The following IL6ST variants were observed in gnomAD, a reference collection of about 807,000 sequenced individuals.
The protein encoded by IL6ST is interleukin-6 receptor subunit beta.
Under a neutral mutation model 91.3 loss-of-function variants are expected in IL6ST, and 24 were observed. The observed-to-expected ratio is 0.26, with a 90% CI of 0.19 to 0.37. The LOEUF is 0.37. Among genes scored for constraint, IL6ST ranks in the 10% least tolerant of loss-of-function variants. IL6ST has a pLI of 1.00. For missense variants in IL6ST, 914 were observed against 1,078.5 expected, an observed-to-expected ratio of 0.85 and a Z score of 2.14; for synonymous variants, 351 against 373.6, an observed-to-expected ratio of 0.94 and a Z score of 0.70.
In IL6ST at chr5:55,941,478, T is replaced by C. The variant is rs1183612660; in HGVS notation, c.2361A>G (p.Leu787=). Residue 787 remains leucine, a synonymous_variant, in exon 17 of 17, where the codon TTA becomes TTG. Coordinates refer to ENST00000381298, the MANE Select transcript of IL6ST (RefSeq NM_002184.4). The stretch of plus-strand genomic sequence containing the variant: ...GATCTTCTGGCCGCTCCTCTGAATC[T>C]AACAAGGGCTGGGTAGACTCGGATC... ...FSRSESTQPL[L]DSEERPEDLQ... 1 of 1,614,144 alleles carries C rather than the reference T, an allele frequency of 6.2e-7. No homozygotes were observed. The highest frequency in any genetic ancestry group is 1.1e-5 in the South Asian group (1 of 91,080).
At chr5:55,949,268 T>C (rs1379849033) in intron 14 of IL6ST, among the ~76,000 whole-genome samples, 1 of 152,004 alleles carries the variant, frequency 6.6e-6, no homozygotes, top group Non-Finnish European at 1.5e-5. Context: ...GGCCAGGAGT[T>C]CAAAACCAGC....
At chr5:55,954,752 A>G in intron 11 of IL6ST, 58 bp downstream of exon 11, 1 of 1,335,908 alleles carries the variant, frequency 7.5e-7, no homozygotes, top group Non-Finnish European at 1.0e-6. Context: ...GCAAAAGAAA[A>G]AGCTGCCTAA....
At chr5:55,959,659 G>C (rs777199004) in intron 8 of IL6ST, 1 of 1,295,644 alleles carries the variant, frequency 7.7e-7, no homozygotes, top group Non-Finnish European at 1.0e-6. Context: ...GCTTCCCAGG[G>C]GCTTATCAAG....
chr5:55,952,194 T>G (rs753851756), intron 12 of IL6ST, 56 bp downstream of exon 12: 6 of 1,496,270 alleles, frequency 4.0e-6, no homozygotes, highest in Non-Finnish European at 5.5e-6. Context: ...GATAAAATGT[T>G]TCTGTTAATA....
Position 55,968,398 on chromosome 5 carries a change from TA to T in IL6ST, c.371-3del. 1.2e-6 allele frequency: 2 copies of T among 1,611,256 alleles called. No homozygotes were observed. Among genetic ancestry groups the T allele is most frequent in the Non-Finnish European group, 1.7e-6 (2 of 1,178,700 alleles). The stretch of plus-strand genomic sequence containing the variant: ...AATTTTTAGGTTTTTCTGGAGGCAC[TA>T]AAAGGGATTAATTAGCATCTTTCAG... On this transcript the variant is annotated splice_polypyrimidine_tract_variant and splice_region_variant and intron_variant, in intron 4 of 16. Transcript: ENST00000381298.
At chr5:55,953,820 C>T (rs1018263304) in intron 11 of IL6ST, among the ~76,000 whole-genome samples, 7 of 152,152 alleles carry the variant, frequency 4.6e-5, no homozygotes, top group Non-Finnish European at 1.0e-4. Context: ...GAGATTCCCT[C>T]TCTACAAAAA....
At chr5:55,980,088 T>A (rs11744523) in intron 2 of IL6ST, among the ~76,000 whole-genome samples, 13,460 of 152,268 alleles carry the variant, frequency 0.088, 674 homozygotes, top group Middle Eastern at 0.14. Context: ...TTCGTTTTTT[T>A]ATATATGCAC....
chr5:55,958,299 G>T (rs1752106218), intron 8 of IL6ST, among the ~76,000 whole-genome samples: 2 of 151,824 alleles, frequency 1.3e-5, no homozygotes, highest in East Asian at 1.9e-4. Context: ...ATTAAATTCG[G>T]TTTTAAAAAT....
chr5:55,959,801 G>A (rs1752199347), intron 8 of IL6ST: 3 of 344,040 alleles, frequency 8.7e-6, no homozygotes, highest in East Asian at 7.7e-5. Context: ...GAGTATCTCT[G>A]GACAAGTCTC....
chr5:55,991,402 C>T (rs1233132039), intron 1 of IL6ST, among the ~76,000 whole-genome samples: 2 of 152,168 alleles, frequency 1.3e-5, no homozygotes, highest in Non-Finnish European at 2.9e-5. Flanking sequence ...TTTAGCTTTT[C>T]TCAGTTACAA....
chr5:55,982,649 G>A, intron 2 of IL6ST, 75 bp downstream of exon 2: 1 of 396,674 alleles, frequency 2.5e-6, no homozygotes, highest in East Asian at 3.6e-5. Context: ...AGAATCAGGT[G>A]AGTAGGGCAG....
intron 5 of IL6ST, among the ~76,000 whole-genome samples, chr5:55,967,141 C>G (rs1752676360): frequency 6.6e-6 from 1 of 151,344 alleles, no homozygotes; most frequent in Non-Finnish European, 1.5e-5. Flanking sequence ...GAAACCCTCT[C>G]TATTAAAAAT....
In IL6ST at chr5:55,960,923, G is replaced by A. The variant is rs556321165; in HGVS notation, c.814-362C>T. Among the ~76,000 whole-genome samples, 10 of 152,062 alleles carry A rather than the reference G, an allele frequency of 6.6e-5. No homozygotes were observed. In the South Asian group the frequency reaches 8.3e-4, roughly 13 times the overall value. On this transcript the variant is annotated intron_variant, in intron 7 of 16. Transcript: ENST00000381298. ...CAGGATTACAGATGTGAGCCACTGC[G>A]CTCAGCCTAGAAACTATTTATTTTT...
chr5:55,950,172 GA>G, intron 14 of IL6ST: 1 of 493,176 alleles, frequency 2.0e-6, no homozygotes, highest in Non-Finnish European at 4.1e-6. Flanking sequence ...ACGAGGGAGG[GA>G]AAATGTATTT....
chr5:55,967,309 CAAAAAAAAAAAAAAAAAAAAA>C (rs60547666), intron 5 of IL6ST, among the ~76,000 whole-genome samples: 1 of 31,900 alleles, frequency 3.1e-5, no homozygotes, highest in Non-Finnish European at 4.7e-5. Context: ...GACTCCATCT[CAAAAAAAAAAAAAAAAAAAAA>C]AAAAAAAAAA....
At chr5:55,988,767 CAAA>C (rs34387197) in intron 1 of IL6ST, among the ~76,000 whole-genome samples, 13 of 99,154 alleles carry the variant, frequency 1.3e-4, no homozygotes, top group Non-Finnish European at 1.7e-4. Context: ...ACTCCATCTC[CAAA>C]AAAAAAAAAA....
chr5:55,992,978 A>T (rs960698018), intron 1 of IL6ST, among the ~76,000 whole-genome samples: 2 of 152,242 alleles, frequency 1.3e-5, no homozygotes, highest in African/African-American at 2.4e-5. Context: ...TACAGCAGGT[A>T]GTAATTGCTT....
intron 4 of IL6ST, among the ~76,000 whole-genome samples, chr5:55,968,647 G>T (rs1197627371): frequency 1.3e-5 from 2 of 152,024 alleles, no homozygotes; most frequent in African/African-American, 4.8e-5. Context: ...AATTTTCTAT[G>T]TAAAATCAAC....
intron 8 of IL6ST, among the ~76,000 whole-genome samples, chr5:55,959,864 T>G (rs958290092): frequency 6.6e-6 from 1 of 152,086 alleles, no homozygotes; most frequent in African/African-American, 2.4e-5. Context: ...CTGATAGATG[T>G]ATCTAAGTCA....
Sources: gnomAD v4.1 joint callset for allele counts (sites outside exome capture counted in the v4.1 genomes callset) on GRCh38, gnomAD v4.1.1 for gene constraint, MANE v1.5 for transcripts, NCBI Gene and HGNC (gene_info 2026-07-23, HGNC 2026-07-21) for gene names.